Variants in TRPM3 observed in about 807,000 individuals in gnomAD.
The protein encoded by TRPM3 is long transient receptor potential channel 3.
Under a neutral mutation model 181.2 loss-of-function variants are expected in TRPM3, and 77 were observed. That is an observed-to-expected ratio of 0.42 (90% CI 0.35 to 0.51). TRPM3 has a LOEUF of 0.51. Among genes scored for constraint, TRPM3 ranks in the 20% least tolerant of loss-of-function variants. The probability of loss-of-function intolerance (pLI) is 0.01; values close to 1 mark genes in which losing one functional copy is unlikely to be tolerated. For missense variants in TRPM3, 1,759 were observed against 2,196.7 expected, an observed-to-expected ratio of 0.80 and a Z score of 3.98; for synonymous variants, 745 against 796.4, an observed-to-expected ratio of 0.94 and a Z score of 1.09.
chr9:71,032,717 A>G lies in TRPM3; in HGVS notation c.177+88461T>C, dbSNP rs142899285. 2.4e-3 allele frequency among the ~76,000 whole-genome samples: 373 copies of G among 152,320 alleles called. 3 individuals carry two copies. The East Asian group carries it at 0.049, about 20-fold the overall frequency. ...AGAGGTAGACAATTTCTAGTGTGTCAGAATATTGTCCTTTGGTATGTTATT... is the reference window on the plus strand; with the variant it reads ...AGAGGTAGACAATTTCTAGTGTGTCGGAATATTGTCCTTTGGTATGTTATT... On this transcript the variant is annotated intron_variant, in intron 1 of 25. Transcript: ENST00000677713.
intron 1 of TRPM3, among the ~76,000 whole-genome samples, chr9:70,952,299 G>A (rs2097011809): frequency 6.6e-6 from 1 of 152,130 alleles, no homozygotes; most frequent in African/African-American, 2.4e-5. Flanking sequence ...GTTAGGGCAT[G>A]TTTTTATATT....
chr9:71,215,033 C>CAAAAAAAAAA (rs67349189), intron 1 of TRPM3, among the ~76,000 whole-genome samples: 21 of 105,824 alleles, frequency 2.0e-4, no homozygotes, highest in East Asian at 5.3e-4. Context: ...CACCAAAAAA[C>CAAAAAAAAAA]AAAAAAAAAA....
At chr9:70,861,130 T>C (rs2095509593) in intron 3 of TRPM3, among the ~76,000 whole-genome samples, 1 of 152,178 alleles carries the variant, frequency 6.6e-6, no homozygotes, top group African/African-American at 2.4e-5. Context: ...AGACTGGACT[T>C]GTAAAAAACA....
At chr9:70,546,778 G>A (rs2045058992) in intron 25 of TRPM3, among the ~76,000 whole-genome samples, 1 of 151,684 alleles carries the variant, frequency 6.6e-6, no homozygotes, top group Admixed American at 6.6e-5. Flanking sequence ...CCCAAATAAA[G>A]CAGAGGGCAT....
intron 1 of TRPM3, among the ~76,000 whole-genome samples, chr9:70,868,326 A>T (rs1426299913): frequency 6.6e-6 from 1 of 152,066 alleles, no homozygotes; most frequent in East Asian, 1.9e-4. Flanking sequence ...AAATGAGGAC[A>T]CTCACATTGA....
intron 1 of TRPM3, among the ~76,000 whole-genome samples, chr9:71,357,816 A>G (rs901953497): frequency 6.6e-6 from 1 of 152,028 alleles, no homozygotes; most frequent in African/African-American, 2.4e-5. Context: ...GAGTCAAATA[A>G]CTATTCAGTT....
At chr9:71,386,769 T>C (rs2092933460) in intron 1 of TRPM3, among the ~76,000 whole-genome samples, 1 of 152,200 alleles carries the variant, frequency 6.6e-6, no homozygotes, top group African/African-American at 2.4e-5. Context: ...TTTATAGCAA[T>C]AACTTTAATA....
At chr9:70,812,669 A>T (rs970691192) in intron 6 of TRPM3, among the ~76,000 whole-genome samples, 1 of 152,208 alleles carries the variant, frequency 6.6e-6, no homozygotes, top group Non-Finnish European at 1.5e-5. Context: ...CCCTCCTGGA[A>T]ATTTAGCACA....
intron 1 of TRPM3, among the ~76,000 whole-genome samples, chr9:71,355,597 C>A (rs1258548673): frequency 6.6e-6 from 1 of 152,096 alleles, no homozygotes; most frequent in African/African-American, 2.4e-5. Context: ...CTTACGGCAG[C>A]CCTAGGAAGC....
intron 8 of TRPM3, chr9:70,761,297 G>C: frequency 1.7e-6 from 1 of 604,634 alleles, no homozygotes; most frequent in Non-Finnish European, 3.0e-6. Flanking sequence ...AAGCTGAAGC[G>C]TTCTCCAGGA....
chr9:71,036,768 G>A (rs185862982), intron 1 of TRPM3, among the ~76,000 whole-genome samples: 220 of 152,328 alleles, frequency 1.4e-3, no homozygotes, highest in Admixed American at 3.8e-3. Context: ...TGTGCAAAAC[G>A]ACAGCATGGA....
At chr9:71,380,655 A>T (rs1156336706) in intron 1 of TRPM3, among the ~76,000 whole-genome samples, 4 of 152,068 alleles carry the variant, frequency 2.6e-5, no homozygotes, top group Admixed American at 6.6e-5. Flanking sequence ...TTATTATTTC[A>T]TATTATCTTA....
At chr9:70,961,760 G>A (rs999681683) in intron 1 of TRPM3, among the ~76,000 whole-genome samples, 9 of 152,080 alleles carry the variant, frequency 5.9e-5, no homozygotes, top group Non-Finnish European at 1.0e-4. Context: ...AGGATCCCTA[G>A]CATGATATCA....
intron 1 of TRPM3, among the ~76,000 whole-genome samples, chr9:71,221,157 T>C (rs1319064235): frequency 6.6e-6 from 1 of 152,228 alleles, no homozygotes; most frequent in Non-Finnish European, 1.5e-5. Flanking sequence ...TAGGTTTCTG[T>C]AAATTATGGC....
At chr9:70,697,518 T>C (rs573206171) in intron 8 of TRPM3, among the ~76,000 whole-genome samples, 1 of 152,348 alleles carries the variant, frequency 6.6e-6, no homozygotes, top group African/African-American at 2.4e-5. Context: ...GCACAAGTCA[T>C]AGTTGCTAAC....
intron 9 of TRPM3, among the ~76,000 whole-genome samples, chr9:70,643,883 A>C (rs1158510417): frequency 6.6e-6 from 1 of 152,194 alleles, no homozygotes; most frequent in African/African-American, 2.4e-5. Context: ...TCATTCACTC[A>C]TTCATCTGTT....
At chr9:71,002,817 A>T (rs1369400647) in intron 1 of TRPM3, among the ~76,000 whole-genome samples, 1 of 152,160 alleles carries the variant, frequency 6.6e-6, no homozygotes, top group African/African-American at 2.4e-5. Context: ...TAAAATATGT[A>T]CCTCTTAAGA....
chr9:71,151,522 T>C (rs1011878568), intron 1 of TRPM3, among the ~76,000 whole-genome samples: 1 of 152,060 alleles, frequency 6.6e-6, no homozygotes, highest in African/African-American at 2.4e-5. Flanking sequence ...TACAAATTGA[T>C]AGAACTTCTA....
intron 8 of TRPM3, among the ~76,000 whole-genome samples, chr9:70,739,637 G>T (rs2073567186): frequency 6.6e-6 from 1 of 151,792 alleles, no homozygotes; most frequent in African/African-American, 2.4e-5. Flanking sequence ...TGTTGCCCAG[G>T]CTGGAGTGCA....
Sources: gnomAD v4.1 joint callset for allele counts (sites outside exome capture counted in the v4.1 genomes callset) on GRCh38, gnomAD v4.1.1 for gene constraint, MANE v1.5 for transcripts, NCBI Gene and HGNC (gene_info 2026-07-23, HGNC 2026-07-21) for gene names.